Variants in LRCH1 observed in about 807,000 individuals in gnomAD.
The protein encoded by LRCH1 is leucine rich repeats and calponin homology domain containing 1.
A neutral mutation model predicts 94.9 loss-of-function variants in LRCH1; 23 were observed. The ratio of observed to expected loss-of-function variants is 0.24; its 90% CI spans 0.17 to 0.34. The LOEUF (loss-of-function observed/expected upper bound fraction) is 0.34, where lower values mean the gene tolerates loss of function less well. Ranked by LOEUF, LRCH1 falls within the 10% of genes least tolerant of loss-of-function variation. The pLI is 1.00. For missense variants in LRCH1, 790 were observed against 945.9 expected (o/e 0.84, Z 2.16); for synonymous variants, 364 against 354.9 (o/e 1.03, Z -0.29).
At chr13:46,580,403 A>T (rs1036326325) in intron 1 of LRCH1, among the ~76,000 whole-genome samples, 1 of 152,226 alleles carries the variant, frequency 6.6e-6, no homozygotes, top group Non-Finnish European at 1.5e-5. Flanking sequence ...GGTAATTTGC[A>T]GTATGCATCC....
At chr13:46,751,240 T>G (rs902709778) in exon 19 of LRCH1, 2 of 152,208 alleles carry the variant, frequency 1.3e-5, no homozygotes, top group African/African-American at 4.8e-5. Context: ...TATTTTAATA[T>G]AAATGTTGAG....
intron 1 of LRCH1, among the ~76,000 whole-genome samples, chr13:46,573,878 T>TTTTTC (rs1566150917): frequency 1.4e-4 from 9 of 62,770 alleles, no homozygotes; most frequent in African/African-American, 3.4e-4. Context: ...TTTTTTTTTT[T>TTTTTC]TTGAGATGGA....
intron 4 of LRCH1, among the ~76,000 whole-genome samples, chr13:46,685,078 A>G (rs912916403): frequency 6.6e-6 from 1 of 152,160 alleles, no homozygotes; most frequent in Non-Finnish European, 1.5e-5. Context: ...CAGATCCCAT[A>G]ACAAAAGTTC....
Position 46,553,332 on chromosome 13 carries a change from C to T in LRCH1, c.-65C>T, listed in dbSNP as rs1566137853. 15 of 1,383,692 alleles carry T rather than the reference C, an allele frequency of 1.1e-5. No homozygotes were observed. Among genetic ancestry groups the T allele is most frequent in the Non-Finnish European group, 1.5e-5 (15 of 1,028,462 alleles). 85.7% of individuals were successfully genotyped at this position (1,383,692 alleles called of 1,614,324 possible). ...ACTCAGCCCGAGCTGCCGTTTTCCC[C>T]TCGCGGGGAACGCTGTGACCCCCCC... On this transcript the variant is annotated 5_prime_UTR_variant, in exon 1 of 20. Coordinates refer to ENST00000389797, the MANE Select transcript of LRCH1 (RefSeq NM_001164211.2).
In LRCH1 at chr13:46,591,305, A is replaced by G. The variant is rs141375563; in HGVS notation, c.307+37602A>G. ...TGATAAGCATATATATGTGTTACTCATTTTCCTAATGAATTAGTTCCTTTC... is the reference window on the plus strand; with the variant it reads ...TGATAAGCATATATATGTGTTACTCGTTTTCCTAATGAATTAGTTCCTTTC... On this transcript the variant is annotated intron_variant, in intron 1 of 19. Coordinates refer to ENST00000389797, the MANE Select transcript of LRCH1 (RefSeq NM_001164211.2). Among the ~76,000 whole-genome samples, 15 of 152,268 alleles carry G rather than the reference A, an allele frequency of 9.9e-5. No individual in the cohort carries two copies. The East Asian group carries it at 2.9e-3, about 29-fold the overall frequency.
In LRCH1 at chr13:46,603,946, C is replaced by T. The variant is rs1013859827; in HGVS notation, c.308-46255C>T. 5.9e-5 allele frequency among the ~76,000 whole-genome samples: 9 copies of T among 152,334 alleles called. No homozygotes were observed. In the East Asian group the frequency reaches 9.6e-4, roughly 16 times the overall value. ...TGTTGGCATTATAGGCGTGAGCCAC[C>T]ATGCCCGGCCAAACTTCTTTTGAAA... On this transcript the variant is annotated intron_variant, in intron 1 of 19. Coordinates refer to ENST00000389797, the MANE Select transcript of LRCH1 (RefSeq NM_001164211.2).
At chr13:46,585,506 T>A (rs1210459050) in intron 1 of LRCH1, among the ~76,000 whole-genome samples, 1 of 142,328 alleles carries the variant, frequency 7.0e-6, no homozygotes, top group Non-Finnish European at 1.5e-5. Flanking sequence ...TGAGCAGAGA[T>A]CATGCCACTG....
chr13:46,613,006 CA>C (rs945652593), intron 1 of LRCH1, among the ~76,000 whole-genome samples: 37 of 152,126 alleles, frequency 2.4e-4, no homozygotes, highest in African/African-American at 8.9e-4. Context: ...TTGTTGTAAA[CA>C]AATGAAAAAC....
chr13:46,656,073 T>G (rs1194308858), intron 2 of LRCH1, among the ~76,000 whole-genome samples: 1 of 152,238 alleles, frequency 6.6e-6, no homozygotes, highest in Non-Finnish European at 1.5e-5. Flanking sequence ...TGCTGAACAA[T>G]GTGCAGAAAG....
In LRCH1 at chr13:46,634,106, C is replaced by T. The variant is rs577379699; in HGVS notation, c.308-16095C>T. Among the ~76,000 whole-genome samples the T allele has an allele frequency of 1.4e-4, 21 of 152,232 alleles. No individual in the cohort carries two copies. The East Asian group carries it at 3.9e-3, about 28-fold the overall frequency. On this transcript the variant is annotated intron_variant, in intron 1 of 19. Transcript: ENST00000389797. The stretch of plus-strand genomic sequence containing the variant: ...TGTTGTTCAGGCTGGTCTCGAACTC[C>T]TGACCTCGTGATCTGCCCGCCTCAG...
chr13:46,612,921 A>G (rs1205040514), intron 1 of LRCH1, among the ~76,000 whole-genome samples: 4 of 152,206 alleles, frequency 2.6e-5, no homozygotes, highest in Non-Finnish European at 5.9e-5. Flanking sequence ...AAGTCACAGA[A>G]TGAAATGATG....
At chr13:46,666,907 G>GA (rs1314811492) in intron 2 of LRCH1, among the ~76,000 whole-genome samples, 1 of 152,162 alleles carries the variant, frequency 6.6e-6, no homozygotes, top group African/African-American at 2.4e-5. Flanking sequence ...GTGAGAGGCA[G>GA]AAACACAGGC....
chr13:46,577,692 T>C (rs949691147), intron 1 of LRCH1, among the ~76,000 whole-genome samples: 30 of 152,332 alleles, frequency 2.0e-4, no homozygotes, highest in Admixed American at 3.9e-4. Context: ...TATTGAAGAA[T>C]GCAGTTGCAA....
intron 1 of LRCH1, among the ~76,000 whole-genome samples, chr13:46,620,884 T>G (rs1409874279): frequency 6.6e-6 from 1 of 152,234 alleles, no homozygotes; most frequent in Non-Finnish European, 1.5e-5. Context: ...GGACATATCA[T>G]TACCTTTCTT....
intron 1 of LRCH1, among the ~76,000 whole-genome samples, chr13:46,580,620 T>C (rs1042279440): frequency 6.6e-6 from 1 of 152,210 alleles, no homozygotes; most frequent in African/African-American, 2.4e-5. Flanking sequence ...AGGGCTTGTA[T>C]GACAAACTCT....
intron 1 of LRCH1, among the ~76,000 whole-genome samples, chr13:46,576,690 T>A (rs2050308414): frequency 6.7e-6 from 1 of 150,276 alleles, no homozygotes. Context: ...ATATTTACCC[T>A]TTATCATTAT....
intron 1 of LRCH1, among the ~76,000 whole-genome samples, chr13:46,576,154 C>T (rs781493396): frequency 6.6e-6 from 1 of 152,152 alleles, no homozygotes; most frequent in Admixed American, 6.5e-5. Flanking sequence ...CTGGATTAGA[C>T]ATTTGCCGTG....
chr13:46,696,636 G>A (rs758531532), intron 9 of LRCH1, among the ~76,000 whole-genome samples: 11 of 152,122 alleles, frequency 7.2e-5, no homozygotes, highest in Non-Finnish European at 2.9e-5. Flanking sequence ...ACTTGGCAAA[G>A]GCTTTCTGGA....
At chr13:46,578,646 CT>C (rs1171227173) in intron 1 of LRCH1, among the ~76,000 whole-genome samples, 14 of 152,188 alleles carry the variant, frequency 9.2e-5, no homozygotes, top group Non-Finnish European at 1.8e-4. Flanking sequence ...ATATGCTGGT[CT>C]TTTGGACTCC....
Sources: gnomAD v4.1 joint callset for allele counts (sites outside exome capture counted in the v4.1 genomes callset) on GRCh38, gnomAD v4.1.1 for gene constraint, MANE v1.5 for transcripts, NCBI Gene and HGNC (gene_info 2026-07-23, HGNC 2026-07-21) for gene names.